PABPC4L: variants seen among roughly 807,000 people sequenced by gnomAD.
PABPC4L encodes the protein poly(A) binding protein cytoplasmic 4 like.
For synonymous variants in PABPC4L, 169 were observed against 164.1 expected, an observed-to-expected ratio of 1.03 and a Z score of -0.23; for missense variants, 452 against 451.4, an observed-to-expected ratio of 1.00 and a Z score of -0.01.
the PABPC4L span, among the ~76,000 whole-genome samples, chr4:134,180,665 C>T: frequency 6.6e-6 from 1 of 150,704 alleles, no homozygotes; most frequent in East Asian, 2.0e-4. Flanking sequence ...AGAGATGATC[C>T]AAATAAATAC....
the PABPC4L span, among the ~76,000 whole-genome samples, chr4:134,094,516 T>C: frequency 6.6e-6 from 1 of 151,962 alleles, no homozygotes; most frequent in African/African-American, 2.4e-5. Flanking sequence ...CTGATGAAGT[T>C]ATGGTTTAAA....
the PABPC4L span, among the ~76,000 whole-genome samples, chr4:134,011,890 T>C: frequency 6.6e-5 from 10 of 152,278 alleles, no homozygotes; most frequent in Non-Finnish European, 1.0e-4. Context: ...ATCACAGCAT[T>C]GATTGTAATA....
the PABPC4L span, among the ~76,000 whole-genome samples, chr4:134,101,522 G>T: frequency 2.7e-5 from 4 of 150,830 alleles, no homozygotes; most frequent in South Asian, 8.3e-4. Context: ...TACTTGGATA[G>T]GAAAAGTTAG....
chr4:134,180,053 C>G, the PABPC4L span, among the ~76,000 whole-genome samples: 3,417 of 152,150 alleles, frequency 0.022, 130 homozygotes, highest in African/African-American at 0.078. Context: ...GGTTCTAATA[C>G]ACATCAACAG....
the PABPC4L span, among the ~76,000 whole-genome samples, chr4:134,002,674 TATA>T: frequency 2.0e-5 from 3 of 152,090 alleles, no homozygotes; most frequent in African/African-American, 7.2e-5. Context: ...TTCACTACTT[TATA>T]ATGAGTTTAA....
the PABPC4L span, among the ~76,000 whole-genome samples, chr4:134,090,849 A>G: frequency 2.0e-5 from 3 of 152,016 alleles, no homozygotes; most frequent in East Asian, 5.8e-4. Flanking sequence ...CCTTTATCAT[A>G]TAGCGTATTT....
the PABPC4L span, among the ~76,000 whole-genome samples, chr4:134,106,971 A>C: frequency 6.6e-6 from 1 of 151,486 alleles, no homozygotes; most frequent in Non-Finnish European, 1.5e-5. Flanking sequence ...TTTCAAGTTT[A>C]AGTAAGCAGT....
chr4:133,979,108 G>C, the PABPC4L span, among the ~76,000 whole-genome samples: 1 of 152,100 alleles, frequency 6.6e-6, no homozygotes, highest in African/African-American at 2.4e-5. Context: ...TCATGGGTGG[G>C]AAAAATTGAT....
At chr4:133,995,252 T>C in the PABPC4L span, among the ~76,000 whole-genome samples, 2 of 152,208 alleles carry the variant, frequency 1.3e-5, no homozygotes, top group Non-Finnish European at 2.9e-5. Context: ...TACCTTGGTC[T>C]CTACTATTGG....
At chr4:133,956,299 G>C in the PABPC4L span, among the ~76,000 whole-genome samples, 2 of 152,162 alleles carry the variant, frequency 1.3e-5, no homozygotes, top group Non-Finnish European at 1.5e-5. Context: ...TCTTAAAAGA[G>C]TTATATTTTG....
At chr4:134,133,834 T>A in the PABPC4L span, among the ~76,000 whole-genome samples, 4 of 152,122 alleles carry the variant, frequency 2.6e-5, no homozygotes, top group East Asian at 3.9e-4. Context: ...TATTTTTTTT[T>A]AAATTAGAAT....
chr4:134,014,688 C>T, the PABPC4L span, among the ~76,000 whole-genome samples: 1 of 151,968 alleles, frequency 6.6e-6, no homozygotes, highest in Non-Finnish European at 1.5e-5. Flanking sequence ...TAGACCATCA[C>T]GGATGCCGAG....
At chr4:133,955,108 C>T in the PABPC4L span, among the ~76,000 whole-genome samples, 2 of 151,958 alleles carry the variant, frequency 1.3e-5, no homozygotes, top group East Asian at 3.9e-4. Flanking sequence ...ATTGATCACT[C>T]AAGTCAATAA....
the PABPC4L span, among the ~76,000 whole-genome samples, chr4:133,997,082 TC>T: frequency 6.6e-6 from 1 of 152,164 alleles, no homozygotes; most frequent in African/African-American, 2.4e-5. Flanking sequence ...CTATAATTTT[TC>T]CCACCACCCT....
At chr4:133,999,475 A>T in the PABPC4L span, among the ~76,000 whole-genome samples, 2 of 152,082 alleles carry the variant, frequency 1.3e-5, no homozygotes, top group South Asian at 4.1e-4. Context: ...AATTTTTGCA[A>T]ACATATCAAT....
At chr4:134,045,271 A>C in the PABPC4L span, among the ~76,000 whole-genome samples, 1 of 152,150 alleles carries the variant, frequency 6.6e-6, no homozygotes, top group African/African-American at 2.4e-5. Context: ...CAATTCTCCT[A>C]GTTTACAAAA....
chr4:133,976,806 T>C, the PABPC4L span, among the ~76,000 whole-genome samples: 1 of 152,096 alleles, frequency 6.6e-6, no homozygotes, highest in African/African-American at 2.4e-5. Context: ...TTTAATGGGG[T>C]TGTTTGTTTA....
At chr4:134,054,244 T>TTGTATATGTATATATATATATATA in the PABPC4L span, among the ~76,000 whole-genome samples, 1 of 92,876 alleles carries the variant, frequency 1.1e-5, no homozygotes, top group Non-Finnish European at 2.1e-5. Context: ...ACTACTTTAG[T>TTGTATATGTATATATATATATATA]TGTATATGTA....
the PABPC4L span, among the ~76,000 whole-genome samples, chr4:134,039,111 G>A: frequency 6.6e-6 from 1 of 152,218 alleles, no homozygotes; most frequent in East Asian, 1.9e-4. Flanking sequence ...AGGTTGTTCA[G>A]TTTCCATGTA....
Sources: gnomAD v4.1 joint callset for allele counts (sites outside exome capture counted in the v4.1 genomes callset) on GRCh38, gnomAD v4.1.1 for gene constraint, MANE v1.5 for transcripts, NCBI Gene and HGNC (gene_info 2026-07-23, HGNC 2026-07-21) for gene names.